Variants in ADGRG4 observed in about 807,000 individuals in gnomAD.
The protein encoded by ADGRG4 is G protein-coupled receptor 112.
A neutral mutation model predicts 126.2 loss-of-function variants in ADGRG4; 122 were observed. The observed-to-expected ratio is 0.97, with a 90% CI of 0.83 to 1.12. The LOEUF is 1.12. Ranked by LOEUF, ADGRG4 falls within the 50% of genes most tolerant of loss-of-function variation. The pLI is 0.00. For synonymous variants in ADGRG4, 943 were observed against 838.7 expected, an observed-to-expected ratio of 1.12 and a Z score of -2.15; for missense variants, 2,481 against 2,251.8, an observed-to-expected ratio of 1.10 and a Z score of -2.06.
chrX:136,401,722 G>T (rs781566882), intron 21 of ADGRG4, among the ~76,000 whole-genome samples: 7 of 112,345 alleles, frequency 6.2e-5, no homozygotes, highest in African/African-American at 1.9e-4. Context: ...TGACCGCCAC[G>T]TGAGTTGTAG....
chrX:136,344,451 A>G lies in ADGRG4; in HGVS notation c.745A>G (p.Met249Val). The G allele has an allele frequency of 8.4e-7, 1 of 1,189,888 alleles. No homozygotes were observed. Among genetic ancestry groups the G allele is most frequent in the Non-Finnish European group, 1.1e-6 (1 of 876,993 alleles). Residue 249 changes from methionine to valine, a missense_variant, in exon 6 of 26, where the codon ATG becomes GTG. By Grantham distance (21) the Met-to-Val change is conservative. Coordinates refer to ENST00000394143, the MANE Select transcript of ADGRG4 (RefSeq NM_153834.4). ...KSTTVSQQID[M>V]TTPSQITGVK... ...TACAACTGTTTCACAACAGATAGAT[A>G]TGACCACTCCATCCCAAATTACTGG...
intron 15 of ADGRG4, among the ~76,000 whole-genome samples, chrX:136,373,561 T>C (rs2075207581): frequency 8.9e-6 from 1 of 111,894 alleles, no homozygotes; most frequent in Non-Finnish European, 1.9e-5. Flanking sequence ...TAGATTTTTT[T>C]TACAATTAAA....
chrX:136,403,421 C>A (rs1056049454), intron 22 of ADGRG4, 99 bp downstream of exon 22: 4 of 635,807 alleles, frequency 6.3e-6, no homozygotes, highest in Non-Finnish European at 7.4e-6. Context: ...CCCTTGGCTT[C>A]AGGAAGAAAT....
At chrX:136,351,962 A>G (rs1167838027) in intron 7 of ADGRG4, among the ~76,000 whole-genome samples, 10 of 111,143 alleles carry the variant, frequency 9.0e-5, no homozygotes, top group African/African-American at 3.3e-4. Context: ...TGAATGTTTT[A>G]CTTATCCTTA....
chrX:136,361,265 T>A (rs2075126760), intron 11 of ADGRG4, among the ~76,000 whole-genome samples, 190 bp from the exon 12 acceptor site: 1 of 109,924 alleles, frequency 9.1e-6, no homozygotes, highest in South Asian at 3.9e-4. Flanking sequence ...ATATTTTCAA[T>A]AAGGCCTGGT....
Position 136,371,522 on chromosome X carries a change from G to A in ADGRG4, c.7591G>A (p.Asp2531Asn), listed in dbSNP as rs907295729. The A allele has an allele frequency of 2.6e-5, 31 of 1,174,137 alleles. No homozygotes were observed. Among genetic ancestry groups the A allele is most frequent in the Non-Finnish European group, 3.4e-5 (30 of 873,032 alleles). The change falls in exon 14 of 26, where the codon GAT (aspartate) becomes AAT (asparagine). Residue 2531 changes from aspartate to asparagine, a missense_variant. Transcript: ENST00000394143. ...VLEKQNNSAS[D>N]LHEISNEILR... ...GGAAAAGCAAAACAATTCCGCCTCT[G>A]ATCTGCATGAAATAAGCAATGAGTA... is the stretch of plus-strand genomic sequence containing the variant.
chrX:136,346,478 C>A lies in ADGRG4; in HGVS notation c.2772C>A (p.Tyr924Ter). ...TGAAAACCACACCTAGGAGTTCATA[C>A]AATGAAATGACAGAAATGTTTAATT... is the stretch of plus-strand genomic sequence containing the variant. Reference protein sequence around the residue: ...KLVKTTPRSSYNEMTEMFNFN... With the variant: ...KLVKTTPRSS Residue 924 changes from tyrosine (Y) to a stop codon, truncating the protein, a stop_gained, in exon 6 of 26, where the codon TAC (tyrosine) becomes TAA (stop). Transcript: ENST00000394143. LOFTEE classifies it high-confidence loss of function. The A allele has an allele frequency of 8.3e-7, 1 of 1,210,584 alleles. No homozygotes were observed. Among genetic ancestry groups the A allele is most frequent in the Non-Finnish European group, 1.1e-6 (1 of 894,448 alleles).
Position 136,345,162 on chromosome X carries a change from A to G in ADGRG4, c.1456A>G (p.Arg486Gly), listed in dbSNP as rs1265268355. Residue 486 changes from arginine to glycine, a missense_variant, in exon 6 of 26, where the codon AGA becomes GGA. By Grantham distance (125) the Arg-to-Gly change is moderately radical. Coordinates refer to ENST00000394143, the MANE Select transcript of ADGRG4 (RefSeq NM_153834.4). ...TGCTCCAGTAGATTCTGTATTTCCT[A>G]GAAACCAGACAGCATTTCCATTGGC... is the stretch of plus-strand genomic sequence containing the variant. ...TAAPVDSVFP[R>G]NQTAFPLATT... The G allele has an allele frequency of 8.3e-7, 1 of 1,210,943 alleles. No individual in the cohort carries two copies. Among genetic ancestry groups the G allele is most frequent in the Admixed American group, 2.2e-5 (1 of 45,990 alleles).
In ADGRG4 at chrX:136,349,813, A is replaced by G; in HGVS notation, c.6107A>G (p.Glu2036Gly). 1 of 1,210,548 alleles carries G rather than the reference A, an allele frequency of 8.3e-7. No individual in the cohort carries two copies. Among genetic ancestry groups the G allele is most frequent in the African/African-American group, 1.7e-5 (1 of 57,520 alleles). ...APHVMTSSTV[E>G]VSKSTFLTSD... is the part of the protein sequence containing the mutation. ...CATGTTATGACTTCCTCTACAGTAG[A>G]GGTGTCAAAATCAACATTTCTGACA... The change falls in exon 6 of 26, where the codon GAG becomes GGG. Residue 2036 changes from glutamate to glycine, a missense_variant. Transcript: ENST00000394143.
Position 136,323,396 on chromosome X carries a change from A to G in ADGRG4, c.685+4A>G. The G allele has an allele frequency of 8.4e-7, 1 of 1,192,081 alleles. No individual in the cohort carries two copies. Among genetic ancestry groups the G allele is most frequent in the African/African-American group, 1.8e-5 (1 of 57,107 alleles). On this transcript the variant is annotated splice_donor_region_variant and intron_variant, in intron 5 of 25. Coordinates refer to ENST00000394143, the MANE Select transcript of ADGRG4 (RefSeq NM_153834.4). Reference sequence around the variant, plus strand: ...GTTGACAGGACACTGCGCTGCTGTGAGTAACTTAACAACTTTTTTCCTTAG... The same window carrying G: ...GTTGACAGGACACTGCGCTGCTGTGGGTAACTTAACAACTTTTTTCCTTAG...
At chrX:136,321,580 G>T (rs1226585254) in intron 4 of ADGRG4, among the ~76,000 whole-genome samples, 1 of 111,419 alleles carries the variant, frequency 9.0e-6, no homozygotes, top group Non-Finnish European at 1.9e-5. Flanking sequence ...TTCCAATTCT[G>T]CCACAGAGCT....
Position 136,345,844 on chromosome X carries a change from G to T in ADGRG4, c.2138G>T (p.Gly713Val), listed in dbSNP as rs759054055. Residue 713 changes from glycine to valine, a missense_variant, in exon 6 of 26, where the codon GGT becomes GTT. By Grantham distance (109) the Gly-to-Val change is moderately radical (BLOSUM62 -3). Coordinates refer to ENST00000394143, the MANE Select transcript of ADGRG4 (RefSeq NM_153834.4). ...CTGAAAGCATCTCCAGAGGGCAAAG[G>T]TACCACTGCCAATGATGCTACTACA... ...TPLKASPEGKGTTANDATTAR... is the reference protein window; with the variant it reads ...TPLKASPEGKVTTANDATTAR... 2 of 1,210,688 alleles carry T rather than the reference G, an allele frequency of 1.7e-6. No homozygotes were observed. The highest frequency in any genetic ancestry group is 4.4e-5 in the Admixed American group (2 of 45,940).
At position 136,345,431 on chromosome X, in the gene ADGRG4, T is replaced by C. The variant is rs745354614; in HGVS notation, c.1725T>C (p.Ile575=). 8 of 1,209,243 alleles carry C rather than the reference T, an allele frequency of 6.6e-6. No individual in the cohort carries two copies. In the East Asian group the frequency reaches 2.4e-4, roughly 36 times the overall value. Residue 575 remains isoleucine, a synonymous_variant, in exon 6 of 26, where the codon ATT becomes ATC. Coordinates refer to ENST00000394143, the MANE Select transcript of ADGRG4 (RefSeq NM_153834.4). The part of the protein sequence containing the change: ...FTGTESVQTV[I]DAEATRTALT... ...GGACTGAGAGTGTACAGACAGTTAT[T>C]GATGCTGAAGCTACACGTACAGCCT...
chrX:136,310,379 A>AAAGC (rs1208137193), intron 4 of ADGRG4, among the ~76,000 whole-genome samples: 1 of 111,482 alleles, frequency 9.0e-6, no homozygotes, highest in Non-Finnish European at 1.9e-5. Context: ...AGGTCAATTT[A>AAAGC]AAGCAGTCAC....
rs2074846171 is a variant in ADGRG4, at chrX:136,322,705, G to A, written c.71-73G>A. ...TGTATAACCCAGATTTGACTGTATT[G>A]CCAAATACAATAAAACAATTTTTAA... is the stretch of plus-strand genomic sequence containing the variant. On this transcript the variant is annotated intron_variant, in intron 4 of 25. Transcript: ENST00000394143. The A allele has an allele frequency of 4.1e-6, 4 of 986,092 alleles. No homozygotes were observed. The Admixed American group carries it at 9.0e-5, about 22-fold the overall frequency. 81.3% of individuals were successfully genotyped at this position (986,092 alleles called of 1,213,427 possible).
At chrX:136,380,182 G>A (rs618200) in intron 15 of ADGRG4, among the ~76,000 whole-genome samples, 1,275 of 48,859 alleles carry the variant, frequency 0.026, 11 homozygotes, top group African/African-American at 0.053. Context: ...AAAAAAAAAA[G>A]CCACGAAACC....
chrX:136,329,671 AT>A (rs375937070), intron 5 of ADGRG4, among the ~76,000 whole-genome samples: 38,641 of 93,512 alleles, frequency 0.41, 6,613 homozygotes, highest in Middle Eastern at 0.53. Flanking sequence ...TTTGCATTTG[AT>A]TTTTTTTTTT....
At chrX:136,341,957 C>T (rs1181235905) in intron 5 of ADGRG4, among the ~76,000 whole-genome samples, 1 of 111,968 alleles carries the variant, frequency 8.9e-6, no homozygotes, top group Admixed American at 9.4e-5. Context: ...ATACTAATTT[C>T]CCTAAGGTAA....
chrX:136,395,483 G>A lies in ADGRG4; in HGVS notation c.8174G>A (p.Gly2725Glu), dbSNP rs751551437. Residue 2725 changes from glycine (G) to glutamate (E), a missense_variant, in exon 19 of 26, where the codon GGA becomes GAA. Gly to Glu is a moderately conservative substitution (Grantham distance 98). Coordinates refer to ENST00000394143, the MANE Select transcript of ADGRG4 (RefSeq NM_153834.4). ...ICQCDHLTHF[G>E]VLMDLSRSTV... ...CAGTGTGACCACCTCACCCATTTTG[G>A]AGTCTTAATGGTGAGTTGTCTCTTA... is the stretch of plus-strand genomic sequence containing the variant. 2 of 1,136,111 alleles carry A rather than the reference G, an allele frequency of 1.8e-6. No individual in the cohort carries two copies. Among genetic ancestry groups the A allele is most frequent in the Non-Finnish European group, 2.4e-6 (2 of 829,086 alleles). The allele number at this position is 1,136,111 out of a possible 1,213,427, so 93.6% of individuals were successfully genotyped here. A position where few individuals can be genotyped will look rare whatever the true frequency, so the allele number is the denominator to read the frequency against.
Sources: allele counts gnomAD v4.1 joint callset (sites outside exome capture counted in the v4.1 genomes callset), GRCh38; gene constraint gnomAD v4.1.1; transcripts MANE v1.5; gene names NCBI Gene and HGNC (gene_info 2026-07-23, HGNC 2026-07-21).